Variants in RTTN observed in about 807,000 individuals in gnomAD.
RTTN encodes rotatin.
Under a neutral mutation model 269.2 loss-of-function variants are expected in RTTN, and 182 were observed. That is an observed-to-expected ratio of 0.68 (90% CI 0.60 to 0.76). The LOEUF is 0.76. RTTN is among the 30% of genes least tolerant of loss of function. The pLI is 0.00. For missense variants in RTTN, 2,545 were observed against 2,608.6 expected (o/e 0.98, Z 0.53); for synonymous variants, 1,006 against 963.5 (o/e 1.04, Z -0.82).
At chr18:70,095,966 A>T (rs1393556010) in intron 28 of RTTN, among the ~76,000 whole-genome samples, 1 of 147,716 alleles carries the variant, frequency 6.8e-6, no homozygotes, top group Non-Finnish European at 1.5e-5. Context: ...ACATAGTCCC[A>T]TATTTCTTGG....
intron 33 of RTTN, 95 bp from the exon 34 acceptor site, chr18:70,074,089 T>C: frequency 1.3e-6 from 1 of 758,894 alleles, no homozygotes; most frequent in Non-Finnish European, 2.1e-6. Flanking sequence ...AATTCAAAAC[T>C]AAAGAAAGGA....
intron 45 of RTTN, among the ~76,000 whole-genome samples, 174 bp from the exon 46 acceptor site, chr18:70,017,848 TAAGAAGA>T (rs963543220): frequency 6.6e-6 from 1 of 152,184 alleles, no homozygotes; most frequent in African/African-American, 2.4e-5. Flanking sequence ...GTGAAAAAGG[TAAGAAGA>T]ACAAAATAGT....
At chr18:70,128,312 C>T (rs754541271) in intron 24 of RTTN, 46 bp downstream of exon 24, 2 of 1,457,828 alleles carry the variant, frequency 1.4e-6, no homozygotes, top group East Asian at 2.3e-5. Context: ...TAATTAATTA[C>T]AATTAATTAA....
chr18:70,022,737 T>C (rs1314554172), intron 44 of RTTN, among the ~76,000 whole-genome samples: 4 of 152,184 alleles, frequency 2.6e-5, no homozygotes, highest in African/African-American at 9.7e-5. Context: ...GAATTTTCAA[T>C]AGCATTCCAC....
At chr18:70,088,990 T>A (rs1313072309) in intron 30 of RTTN, among the ~76,000 whole-genome samples, 1 of 152,264 alleles carries the variant, frequency 6.6e-6, no homozygotes, top group Non-Finnish European at 1.5e-5. Flanking sequence ...TGCATGTCTA[T>A]AATTTCCAGA....
At chr18:70,049,338 T>C (rs2057587532) in intron 39 of RTTN, among the ~76,000 whole-genome samples, 1 of 152,118 alleles carries the variant, frequency 6.6e-6, no homozygotes, top group African/African-American at 2.4e-5. Context: ...AAACTAATTT[T>C]CCCCCAATAA....
chr18:70,083,703 ACATG>A (rs1246168790), intron 32 of RTTN, among the ~76,000 whole-genome samples: 1 of 152,184 alleles, frequency 6.6e-6, no homozygotes, highest in Admixed American at 6.5e-5. Context: ...GTAAATTGTA[ACATG>A]ATAGTAAATG....
chr18:70,018,232 A>G (rs946057860), intron 45 of RTTN, among the ~76,000 whole-genome samples: 2 of 152,214 alleles, frequency 1.3e-5, no homozygotes, highest in Admixed American at 6.5e-5. Flanking sequence ...TCATTCTATT[A>G]TGCTTACAGA....
At chr18:70,199,686 T>C (rs1046027632) in intron 4 of RTTN, among the ~76,000 whole-genome samples, 182 bp from the exon 5 acceptor site, 3 of 151,902 alleles carry the variant, frequency 2.0e-5, no homozygotes, top group Non-Finnish European at 4.4e-5. Context: ...AATAAGAGAG[T>C]TCTCTTTTCA....
chr18:70,160,657 GAAA>G (rs34101176), intron 14 of RTTN, among the ~76,000 whole-genome samples: 4 of 106,160 alleles, frequency 3.8e-5, no homozygotes, highest in Admixed American at 1.9e-4. Flanking sequence ...TTCTATACCT[GAAA>G]AAAAAAAAAA....
At chr18:70,113,785 C>G (rs114502658) in intron 27 of RTTN, among the ~76,000 whole-genome samples, 1 of 152,102 alleles carries the variant, frequency 6.6e-6, no homozygotes, top group African/African-American at 2.4e-5. Flanking sequence ...AGAAGCTAGA[C>G]GCTAAAGGTC....
At chr18:70,180,935 A>G (rs1351110140) in intron 10 of RTTN, among the ~76,000 whole-genome samples, 2 of 152,224 alleles carry the variant, frequency 1.3e-5, no homozygotes, top group Non-Finnish European at 2.9e-5. Context: ...AGTGCCTAGC[A>G]TATATTAATA....
At chr18:70,037,551 C>A (rs1421786211) in intron 40 of RTTN, among the ~76,000 whole-genome samples, 1 of 152,150 alleles carries the variant, frequency 6.6e-6, no homozygotes, top group Non-Finnish European at 1.5e-5. Flanking sequence ...AGAAACCAGT[C>A]CTGGCAGGAT....
intron 26 of RTTN, among the ~76,000 whole-genome samples, chr18:70,115,268 A>C (rs969197807): frequency 1.3e-5 from 2 of 152,036 alleles, no homozygotes; most frequent in Admixed American, 6.6e-5. Context: ...GGACATGAAA[A>C]GACCCACAGC....
intron 18 of RTTN, 133 bp from the exon 19 acceptor site, chr18:70,142,520 G>C: frequency 4.9e-6 from 3 of 613,476 alleles, no homozygotes; most frequent in East Asian, 2.7e-5. Flanking sequence ...CATAATTACA[G>C]GTAAATTCAC....
At chr18:70,105,753 A>G (rs1269289565) in intron 28 of RTTN, among the ~76,000 whole-genome samples, 2 of 152,176 alleles carry the variant, frequency 1.3e-5, no homozygotes, top group African/African-American at 4.8e-5. Flanking sequence ...AAAAAGTTCT[A>G]GATAAGACCA....
chr18:70,096,631 C>T (rs1049043751), intron 28 of RTTN, among the ~76,000 whole-genome samples: 3 of 152,218 alleles, frequency 2.0e-5, no homozygotes, highest in African/African-American at 4.8e-5. Context: ...GCGGAGGCTG[C>T]AGAACAGCAA....
chr18:70,113,025 G>A (rs902203390), intron 27 of RTTN, among the ~76,000 whole-genome samples: 9 of 152,020 alleles, frequency 5.9e-5, no homozygotes, highest in Non-Finnish European at 7.4e-5. Context: ...ACTCCAAACC[G>A]CACAACTATA....
chr18:70,082,004 G>C (rs1042475712), intron 32 of RTTN, among the ~76,000 whole-genome samples: 4 of 152,054 alleles, frequency 2.6e-5, no homozygotes, highest in Admixed American at 6.6e-5. Context: ...AACATTTGGG[G>C]AATCTGGGTG....
Sources: gnomAD v4.1 joint callset for allele counts (sites outside exome capture counted in the v4.1 genomes callset) on GRCh38, gnomAD v4.1.1 for gene constraint, MANE v1.5 for transcripts, NCBI Gene and HGNC (gene_info 2026-07-23, HGNC 2026-07-21) for gene names.